TTC7B: variants seen among roughly 807,000 people sequenced by gnomAD.
TTC7B encodes the protein tetratricopeptide repeat protein 7B.
In TTC7B, 28 loss-of-function variants were observed where a neutral mutation model predicts 106.8. The ratio of observed to expected loss-of-function variants is 0.26; its 90% CI spans 0.19 to 0.36. The LOEUF (loss-of-function observed/expected upper bound fraction) is 0.36, where lower values mean the gene tolerates loss of function less well. TTC7B is among the 10% of genes least tolerant of loss of function. TTC7B has a pLI of 1.00. For synonymous variants in TTC7B, 405 were observed against 430.6 expected (o/e 0.94, Z 0.74); for missense variants, 862 against 1,076.4 (o/e 0.80, Z 2.79).
chr14:90,808,183 C>T lies in TTC7B; in HGVS notation c.121+7992G>A, dbSNP rs779242906. On this transcript the variant is annotated intron_variant, in intron 1 of 19. Transcript: ENST00000328459. The surrounding 1 kb of genome is among the most constrained non-coding windows in gnomAD (Gnocchi z 4.2). ...GCAAGAGGCTGGGCACAGTGGCTCA[C>T]GCCTGTAATCCCAGCACTTTGGGAG... 2.0e-4 allele frequency among the ~76,000 whole-genome samples: 31 copies of T among 152,306 alleles called. No homozygotes were observed. Among genetic ancestry groups the T allele is most frequent in the Non-Finnish European group, 4.3e-4 (29 of 68,028 alleles).
At position 90,593,397 on chromosome 14, in the gene TTC7B, C is replaced by T. The variant is rs1361337411; in HGVS notation, c.2107+89G>A. The T allele has an allele frequency of 1.2e-5, 17 of 1,464,082 alleles. No homozygotes were observed. The East Asian group carries it at 1.2e-4, about 10-fold the overall frequency. 90.7% of individuals were successfully genotyped at this position (1,464,082 alleles called of 1,614,324 possible). ...GAGGGGTGTGGGCTAAACAGACAAG[C>T]GCCCAGGCTCTGGCACAGCAGCGGG... On this transcript the variant is annotated intron_variant, in intron 18 of 19. Transcript: ENST00000328459.
intron 6 of TTC7B, among the ~76,000 whole-genome samples, chr14:90,693,309 A>G (rs1887547446): frequency 6.6e-6 from 1 of 152,132 alleles, no homozygotes; most frequent in Non-Finnish European, 1.5e-5. Flanking sequence ...TAGATAGGAA[A>G]GTGAAAGGAT....
At chr14:90,748,446 A>AGCC (rs1476580712) in intron 3 of TTC7B, among the ~76,000 whole-genome samples, 1 of 151,974 alleles carries the variant, frequency 6.6e-6, no homozygotes, top group African/African-American at 2.4e-5. Context: ...CTCGTGCCTC[A>AGCC]GCCTCCCAGT....
Position 90,786,160 on chromosome 14 carries a change from G to A in TTC7B, c.276+14C>T. 1 of 1,524,414 alleles carries A rather than the reference G, an allele frequency of 6.6e-7. No homozygotes were observed. The allele number at this position is 1,524,414 out of a possible 1,614,324, so 94.4% of individuals were successfully genotyped here. On this transcript the variant is annotated intron_variant, in intron 2 of 19. Coordinates refer to ENST00000328459, the MANE Select transcript of TTC7B (RefSeq NM_001010854.2). The stretch of plus-strand genomic sequence containing the variant: ...CCAAAGGAAGTGTCGCCTCAGCCCA[G>A]AGGCCCATGGTACCTTAAGGTTCCC...
chr14:90,755,820 G>A (rs924238267), intron 3 of TTC7B, among the ~76,000 whole-genome samples: 1 of 152,230 alleles, frequency 6.6e-6, no homozygotes, highest in African/African-American at 2.4e-5. Flanking sequence ...AAGCGAATGA[G>A]CAAAATAGCA....
At chr14:90,630,866 A>C (rs1232068954) in intron 15 of TTC7B, among the ~76,000 whole-genome samples, 3 of 137,068 alleles carry the variant, frequency 2.2e-5, no homozygotes, top group East Asian at 2.0e-4. Context: ...ATGGAGTCTC[A>C]CTCTATTGCC....
At chr14:90,740,728 C>T (rs1304871801) in intron 4 of TTC7B, among the ~76,000 whole-genome samples, 1 of 152,060 alleles carries the variant, frequency 6.6e-6, no homozygotes, top group Non-Finnish European at 1.5e-5. Context: ...TCTCGAACTC[C>T]TGACATCAGG....
Position 90,683,964 on chromosome 14 carries a change from G to A in TTC7B, c.951-3429C>T, listed in dbSNP as rs115301959. Among the ~76,000 whole-genome samples, 398 of 151,572 alleles carry A rather than the reference G, an allele frequency of 2.6e-3. 2 individuals carry two copies. The highest frequency in any genetic ancestry group is 9.1e-3 in the African/African-American group (378 of 41,324). On this transcript the variant is annotated intron_variant, in intron 7 of 19. Transcript: ENST00000328459. ...GCTCTTGAGGATTTATTGTGTCCAC[G>A]GAAGGGCCTGGCCAGTGCCTGGCTC... is the stretch of plus-strand genomic sequence containing the variant.
At chr14:90,623,989 C>G (rs760775203) in intron 15 of TTC7B, among the ~76,000 whole-genome samples, 1 of 152,228 alleles carries the variant, frequency 6.6e-6, no homozygotes, top group Non-Finnish European at 1.5e-5. Context: ...CCACTGCACT[C>G]CAGCCTGAGC....
intron 12 of TTC7B, among the ~76,000 whole-genome samples, chr14:90,654,473 T>C (rs8022840): frequency 0.13 from 19,458 of 152,176 alleles, 1,478 homozygotes; most frequent in Middle Eastern, 0.22. Flanking sequence ...CATCCAAAAA[T>C]CACTGCGCCC....
intron 18 of TTC7B, among the ~76,000 whole-genome samples, chr14:90,586,432 G>T (rs1955284121): frequency 2.0e-5 from 3 of 152,086 alleles, no homozygotes; most frequent in Non-Finnish European, 4.4e-5. Context: ...CACCACACCT[G>T]GCTACTTTTG....
Position 90,536,012 on chromosome 14 carries a change from T to TAGTC in TTC7B, c.*5352_*5355dup. 6.5e-6 allele frequency: 1 copy of TAGTC among 153,928 alleles called. No homozygotes were observed. The highest frequency in any genetic ancestry group is 6.5e-5 in the Admixed American group (1 of 15,310). The allele number at this position is 153,928 out of a possible 1,614,324, so 9.5% of individuals were successfully genotyped here. On this transcript the variant is annotated 3_prime_UTR_variant, in exon 20 of 20. Coordinates refer to ENST00000328459, the MANE Select transcript of TTC7B (RefSeq NM_001010854.2). ...TCCTTAAGGGGCCTATCTCCAAATA[T>TAGTC]AGTCACACAGGGGCGGGGGCTCCAC...
At chr14:90,779,131 G>A (rs1891127685) in intron 3 of TTC7B, among the ~76,000 whole-genome samples, 1 of 152,202 alleles carries the variant, frequency 6.6e-6, no homozygotes, top group South Asian at 2.1e-4. Flanking sequence ...AGAAGGACAG[G>A]AGCCACTCCA....
chr14:90,651,438 T>G (rs1399419321), intron 13 of TTC7B, among the ~76,000 whole-genome samples: 1 of 152,250 alleles, frequency 6.6e-6, no homozygotes, highest in Non-Finnish European at 1.5e-5. Context: ...AGCTGTTATA[T>G]AACATGAAGT....
chr14:90,785,743 T>C (rs1438230702), intron 2 of TTC7B, among the ~76,000 whole-genome samples: 2 of 152,174 alleles, frequency 1.3e-5, no homozygotes, highest in Non-Finnish European at 1.5e-5. Flanking sequence ...CCAGGCCTGC[T>C]GGCACCAGTA....
intron 17 of TTC7B, among the ~76,000 whole-genome samples, chr14:90,596,236 A>C (rs945404667): frequency 1.3e-5 from 2 of 152,216 alleles, no homozygotes; most frequent in Non-Finnish European, 2.9e-5. Flanking sequence ...GGTTCTGTGA[A>C]TCTTTTGCTA....
chr14:90,620,408 T>C (rs1893261006), intron 15 of TTC7B, among the ~76,000 whole-genome samples: 1 of 151,932 alleles, frequency 6.6e-6, no homozygotes, highest in Admixed American at 6.6e-5. Flanking sequence ...CCTGCCCGAG[T>C]CCAGAACAAG....
intron 15 of TTC7B, among the ~76,000 whole-genome samples, chr14:90,639,978 T>C (rs1566812813): frequency 6.6e-6 from 1 of 152,182 alleles, no homozygotes; most frequent in Non-Finnish European, 1.5e-5. Context: ...AAACACAATT[T>C]TTATTATTTA....
At chr14:90,576,089 G>C (rs1891252881) in intron 19 of TTC7B, among the ~76,000 whole-genome samples, 1 of 152,090 alleles carries the variant, frequency 6.6e-6, no homozygotes, top group Non-Finnish European at 1.5e-5. Flanking sequence ...CTCCAAAGGT[G>C]AAACAGAAAA....
Sources: gnomAD v4.1 joint callset for allele counts (sites outside exome capture counted in the v4.1 genomes callset) on GRCh38, gnomAD v4.1.1 for gene constraint, Gnocchi (gnomAD v3.1) non-coding constraint, MANE v1.5 for transcripts, NCBI Gene and HGNC (gene_info 2026-07-23, HGNC 2026-07-21) for gene names.